The following NCOR2 variants were observed in gnomAD, a reference collection of about 807,000 sequenced individuals.
The protein encoded by NCOR2 is CTG repeat protein 26.
A neutral mutation model predicts 262.9 loss-of-function variants in NCOR2; 81 were observed. The observed-to-expected ratio is 0.31, with a 90% confidence interval of 0.26 to 0.37. The LOEUF is 0.37. NCOR2 is among the 10% of genes least tolerant of loss of function. NCOR2 has a pLI of 1.00. For synonymous variants in NCOR2, 1,659 were observed against 1,559.3 expected, an observed-to-expected ratio of 1.06 and a Z score of -1.51; for missense variants, 3,385 against 3,621.4, an observed-to-expected ratio of 0.93 and a Z score of 1.68.
chr12:124,406,064 G>A (rs950095105), intron 13 of NCOR2, among the ~76,000 whole-genome samples: 7 of 152,208 alleles, frequency 4.6e-5, no homozygotes, highest in Admixed American at 3.9e-4. Flanking sequence ...AGGTTATCCC[G>A]ATGGGCAGCC....
chr12:124,542,154 T>A (rs2051387025), intron 1 of NCOR2, among the ~76,000 whole-genome samples: 1 of 151,714 alleles, frequency 6.6e-6, no homozygotes, highest in African/African-American at 2.4e-5. Context: ...GGCTCCAGCC[T>A]CAATGCTGGG....
At chr12:124,516,476 A>T (rs1242486063) in intron 1 of NCOR2, among the ~76,000 whole-genome samples, 2 of 152,236 alleles carry the variant, frequency 1.3e-5, no homozygotes, top group African/African-American at 2.4e-5. Flanking sequence ...TCTACAAAAC[A>T]TGAGAGCTCT....
chr12:124,356,808 T>A, intron 22 of NCOR2, 26 bp from the exon 25 acceptor site: 1 of 1,451,614 alleles, frequency 6.9e-7, no homozygotes. Flanking sequence ...GCTTCTCTGC[T>A]GAGGGCAGGA....
chr12:124,559,239 G>A (rs532807332), intron 1 of NCOR2, among the ~76,000 whole-genome samples: 6 of 152,320 alleles, frequency 3.9e-5, no homozygotes, highest in Admixed American at 1.3e-4. Context: ...TCAGCCACAA[G>A]TCCAGGTTGG....
chr12:124,368,844 C>A (rs574765227), intron 20 of NCOR2, among the ~76,000 whole-genome samples: 1 of 152,262 alleles, frequency 6.6e-6, no homozygotes, highest in Admixed American at 6.5e-5. Context: ...GAGTCAGGGC[C>A]TTGTCTGTGC....
At chr12:124,525,229 C>A (rs780592301) in intron 1 of NCOR2, among the ~76,000 whole-genome samples, 1 of 152,152 alleles carries the variant, frequency 6.6e-6, no homozygotes, top group Non-Finnish European at 1.5e-5. Flanking sequence ...AGGGCCTTCG[C>A]GCCTGCTGTT....
intron 1 of NCOR2, among the ~76,000 whole-genome samples, chr12:124,515,260 T>C (rs2049659705): frequency 6.6e-6 from 1 of 151,946 alleles, no homozygotes; most frequent in Non-Finnish European, 1.5e-5. Context: ...CCCAGCAACT[T>C]GGGAGGCTGT....
At position 124,333,895 on chromosome 12, in the gene NCOR2, T is replaced by TGCGCGCATGTGTGC. The variant is rs2035553198; in HGVS notation, c.6605+528_6605+529insGCACACATGCGCGC. 4.8e-5 allele frequency among the ~76,000 whole-genome samples: 3 copies of TGCGCGCATGTGTGC among 62,498 alleles called. No individual in the cohort carries two copies. The South Asian group carries it at 1.8e-3, about 38-fold the overall frequency. The allele number at this position is 62,498 out of a possible 152,430, so 41.0% of individuals were successfully genotyped here. ...ATGTGTGCGGGTGTGCATGTGTGTG[T>TGCGCGCATGTGTGC]GCGCGCGCATGTGTGCGGGTGTGCA... On this transcript the variant is annotated intron_variant, in intron 41 of 46. Coordinates refer to ENST00000405201, the Ensembl canonical transcript of NCOR2.
intron 1 of NCOR2, among the ~76,000 whole-genome samples, chr12:124,563,178 T>C (rs898758149): frequency 6.6e-6 from 1 of 152,158 alleles, no homozygotes; most frequent in African/African-American, 2.4e-5. Context: ...CCACTGCTTG[T>C]AAATGGCCAA....
At chr12:124,363,599 C>A in intron 21 of NCOR2, 80 bp downstream of exon 23, 1 of 1,246,930 alleles carries the variant, frequency 8.0e-7, no homozygotes, top group Non-Finnish European at 1.0e-6. Context: ...CATGCTCCCG[C>A]CCGTGGGATT....
At chr12:124,349,730 G>C (rs2037272895) in intron 28 of NCOR2, among the ~76,000 whole-genome samples, 1 of 152,146 alleles carries the variant, frequency 6.6e-6, no homozygotes, top group African/African-American at 2.4e-5. Context: ...CACTGGTCTG[G>C]GGTCCCAAGG....
Position 124,336,560 on chromosome 12 carries a change from C to CG in NCOR2, c.6115+192dup, listed in dbSNP as rs939613169. 7 of 966,658 alleles carry CG rather than the reference C, an allele frequency of 7.2e-6. No homozygotes were observed. In the African/African-American group the frequency reaches 1.1e-4, roughly 15 times the overall value. 59.9% of individuals were successfully genotyped at this position (966,658 alleles called of 1,614,324 possible). A position where few individuals can be genotyped will look rare whatever the true frequency, so the allele number is the denominator to read the frequency against. On this transcript the variant is annotated intron_variant, in intron 38 of 46. Transcript: ENST00000405201. ...ATACCAAAACCAACAACAAAAAAAA[C>CG]GGGGGCCAAAGTAAAAAGCAGAGAT...
chr12:124,408,828 G>T (rs1479014470), intron 13 of NCOR2, among the ~76,000 whole-genome samples: 1 of 152,178 alleles, frequency 6.6e-6, no homozygotes, highest in African/African-American at 2.4e-5. Flanking sequence ...TGATCATCTG[G>T]CTACATGGAG....
At chr12:124,355,541 G>A (rs1384383330) in exon 24 of NCOR2, 1 of 1,589,822 alleles carries the variant, frequency 6.3e-7, no homozygotes, top group Non-Finnish European at 8.5e-7. Context: ...GGGCCGGGCA[G>A]TGTCATGGAG....
chr12:124,363,848 C>A, intron 20 of NCOR2, 49 bp from the exon 23 acceptor site: 1 of 1,308,476 alleles, frequency 7.6e-7, no homozygotes, highest in Admixed American at 3.0e-5. Context: ...CCGGACTCTC[C>A]CAGGGTGGGG....
intron 1 of NCOR2, among the ~76,000 whole-genome samples, chr12:124,542,122 G>A (rs1414478296): frequency 6.6e-6 from 1 of 151,754 alleles, no homozygotes; most frequent in Non-Finnish European, 1.5e-5. Context: ...GCCTCTTCCT[G>A]CATGGAGGAT....
At chr12:124,466,231 G>A (rs781644064) in exon 5 of NCOR2, 5 of 1,610,184 alleles carry the variant, frequency 3.1e-6, no homozygotes, top group Non-Finnish European at 4.2e-6. Flanking sequence ...GATGGGCGGC[G>A]GTGACACGGG....
At chr12:124,495,640 C>T (rs971764667), upstream of NCOR2, among the ~76,000 whole-genome samples, 6 of 152,204 alleles carry the variant, frequency 3.9e-5, no homozygotes, top group African/African-American at 1.2e-4. This position sits in a 1 kb window ranked among gnomAD's most constrained non-coding sequence, Gnocchi z 4.4. Flanking sequence ...GGCACAGGGA[C>T]TCTGCGCTGC....
chr12:124,495,525 C>T (rs577441877), upstream of NCOR2, among the ~76,000 whole-genome samples: 19 of 152,264 alleles, frequency 1.2e-4, no homozygotes, highest in Admixed American at 6.5e-4. This position sits in a 1 kb window ranked among gnomAD's most constrained non-coding sequence, Gnocchi z 4.4. Flanking sequence ...CTCACCTGTT[C>T]TCCGGGAGCA....
Sources: gnomAD v4.1 joint callset for allele counts (sites outside exome capture counted in the v4.1 genomes callset) on GRCh38, gnomAD v4.1.1 for gene constraint, Gnocchi (gnomAD v3.1) non-coding constraint, MANE v1.5 for transcripts, NCBI Gene and HGNC (gene_info 2026-07-23, HGNC 2026-07-21) for gene names.